Variants in ATG10 observed in about 807,000 individuals in gnomAD.
ATG10 encodes the protein ubiquitin-like-conjugating enzyme ATG10.
A neutral mutation model predicts 32.1 loss-of-function variants in ATG10; 30 were observed. That is an observed-to-expected ratio of 0.94 (90% CI 0.70 to 1.27). The LOEUF is 1.27. ATG10 is among the 50% of genes most tolerant of loss of function. The pLI, the probability that ATG10 is intolerant of heterozygous loss-of-function variation, is 0.00. For synonymous variants in ATG10, 87 were observed against 91.5 expected, an observed-to-expected ratio of 0.95 and a Z score of 0.28; for missense variants, 233 against 262.3, an observed-to-expected ratio of 0.89 and a Z score of 0.77.
At position 82,176,559 on chromosome 5, in the gene ATG10, C is replaced by T. The variant is rs564753388; in HGVS notation, c.356-1931C>T. ...AAGATCTTATTTGCCTCTTCCCACA[C>T]CAATACACACACACACGCATGCGCA... On this transcript the variant is annotated intron_variant, in intron 4 of 7. Transcript: ENST00000282185. 1.2e-3 allele frequency among the ~76,000 whole-genome samples: 175 copies of T among 152,120 alleles called. 2 individuals carry two copies. The highest frequency in any genetic ancestry group is 2.3e-3 in the Admixed American group (35 of 15,272).
At chr5:82,229,779 C>T (rs904434341) in intron 5 of ATG10, among the ~76,000 whole-genome samples, 14 of 152,156 alleles carry the variant, frequency 9.2e-5, no homozygotes, top group African/African-American at 3.4e-4. Context: ...GCCAACTATA[C>T]TAGCCACTTT....
rs367967030 is a variant in ATG10 at position 82,222,371 on chromosome 5, C to G, written c.454-30191C>G. Among the ~76,000 whole-genome samples, 10 of 152,266 alleles carry G rather than the reference C, an allele frequency of 6.6e-5. No individual in the cohort carries two copies. The South Asian group carries it at 2.1e-3, about 32-fold the overall frequency. On this transcript the variant is annotated intron_variant, in intron 5 of 7. Transcript: ENST00000282185. ...ATTTCCTCATCTGTGAAATGGTGATCCTAGTAGTACATCCCTCATGAAGTT... is the reference window on the plus strand; with the variant it reads ...ATTTCCTCATCTGTGAAATGGTGATGCTAGTAGTACATCCCTCATGAAGTT...
chr5:81,997,825 A>G (rs1330829882), intron 2 of ATG10, among the ~76,000 whole-genome samples: 1 of 152,242 alleles, frequency 6.6e-6, no homozygotes, highest in African/African-American at 2.4e-5. Context: ...TAACTCAATT[A>G]GATAAACAAA....
intron 1 of ATG10, among the ~76,000 whole-genome samples, chr5:81,978,582 T>C (rs1256720055): frequency 6.6e-6 from 1 of 152,206 alleles, no homozygotes; most frequent in African/African-American, 2.4e-5. Flanking sequence ...CAGAGTTTTA[T>C]TAAAAAATTA....
intron 3 of ATG10, among the ~76,000 whole-genome samples, chr5:82,092,154 T>A (rs1301944229): frequency 6.6e-6 from 1 of 152,186 alleles, no homozygotes; most frequent in Non-Finnish European, 1.5e-5. Flanking sequence ...ATTCTCAAAA[T>A]TTAGTATATG....
At chr5:82,061,738 G>A (rs1763780562) in intron 3 of ATG10, among the ~76,000 whole-genome samples, 1 of 143,014 alleles carries the variant, frequency 7.0e-6, no homozygotes. Context: ...AAGTATGGGT[G>A]TATGTGTATA....
At chr5:81,975,124 G>A (rs1760831661) in intron 1 of ATG10, among the ~76,000 whole-genome samples, 1 of 152,070 alleles carries the variant, frequency 6.6e-6, no homozygotes, top group Non-Finnish European at 1.5e-5. Context: ...ACCTCAAAAA[G>A]TTGCTCTGAG....
At chr5:82,223,516 A>G (rs533992685) in intron 5 of ATG10, among the ~76,000 whole-genome samples, 1 of 152,324 alleles carries the variant, frequency 6.6e-6, no homozygotes, top group South Asian at 2.1e-4. Context: ...TGGTGGCATC[A>G]TCTTTTGCAA....
intron 3 of ATG10, among the ~76,000 whole-genome samples, chr5:82,150,855 A>C (rs1315774498): frequency 6.6e-6 from 1 of 152,248 alleles, no homozygotes; most frequent in African/African-American, 2.4e-5. Flanking sequence ...TCTTCCTAAA[A>C]GCCAAAGAAT....
chr5:82,040,967 A>G (rs550154984), intron 2 of ATG10, among the ~76,000 whole-genome samples: 2 of 152,138 alleles, frequency 1.3e-5, no homozygotes, highest in African/African-American at 4.8e-5. Flanking sequence ...TGTTGCTTGC[A>G]TTTTTACTTT....
intron 3 of ATG10, among the ~76,000 whole-genome samples, chr5:82,139,153 G>T (rs1171762499): frequency 2.1e-5 from 3 of 144,268 alleles, no homozygotes. Context: ...GCTCAATGGT[G>T]CCCAGGCTGG....
intron 3 of ATG10, among the ~76,000 whole-genome samples, chr5:82,156,539 C>G (rs1335344006): frequency 6.6e-6 from 1 of 152,092 alleles, no homozygotes; most frequent in Non-Finnish European, 1.5e-5. Flanking sequence ...TGCTGGAGAC[C>G]TTGGGCCTTC....
chr5:81,981,452 C>G (rs977666792), intron 1 of ATG10, among the ~76,000 whole-genome samples: 7 of 151,956 alleles, frequency 4.6e-5, no homozygotes, highest in Non-Finnish European at 8.8e-5. Flanking sequence ...CAATTCAAGC[C>G]AAATTGCCAT....
intron 5 of ATG10, among the ~76,000 whole-genome samples, chr5:82,229,258 T>C (rs1469745269): frequency 1.3e-5 from 2 of 152,174 alleles, no homozygotes; most frequent in Non-Finnish European, 2.9e-5. Context: ...GCTGTTACAG[T>C]ACTGGAGGAG....
intron 4 of ATG10, among the ~76,000 whole-genome samples, chr5:82,174,909 A>G (rs1743951694): frequency 6.6e-6 from 1 of 152,184 alleles, no homozygotes; most frequent in African/African-American, 2.4e-5. Flanking sequence ...AGAAGCAGAT[A>G]TTTTAACAAT....
chr5:82,015,944 T>C (rs144613377), intron 2 of ATG10, among the ~76,000 whole-genome samples: 1,841 of 152,322 alleles, frequency 0.012, 14 homozygotes, highest in Non-Finnish European at 0.02. Flanking sequence ...TTTTTCCCCA[T>C]CTTCATGGTT....
Position 82,108,375 on chromosome 5 carries a change from T to C in ATG10, c.216+49773T>C, listed in dbSNP as rs1287371002. Among the ~76,000 whole-genome samples the C allele has an allele frequency of 2.0e-5, 3 of 151,902 alleles. No individual in the cohort carries two copies. In the East Asian group the frequency reaches 5.8e-4, roughly 29 times the overall value. Reference sequence around the variant, plus strand: ...ATCTACAGAGAACCCTAGACACCTATATATATGTGCATATATATACACACA... The same window carrying C: ...ATCTACAGAGAACCCTAGACACCTACATATATGTGCATATATATACACACA... On this transcript the variant is annotated intron_variant, in intron 3 of 7. Transcript: ENST00000282185.
intron 3 of ATG10, among the ~76,000 whole-genome samples, chr5:82,108,421 CTT>C (rs1244826833): frequency 6.6e-6 from 1 of 151,682 alleles, no homozygotes; most frequent in East Asian, 1.9e-4. Flanking sequence ...TAATACTGCT[CTT>C]ATATAATATT....
intron 3 of ATG10, among the ~76,000 whole-genome samples, chr5:82,110,671 T>C (rs1765589692): frequency 6.6e-6 from 1 of 152,132 alleles, no homozygotes; most frequent in South Asian, 2.1e-4. Flanking sequence ...TGTAAATTTG[T>C]TTGAGTTCAT....
Sources: gnomAD v4.1 joint callset for allele counts (sites outside exome capture counted in the v4.1 genomes callset) on GRCh38, gnomAD v4.1.1 for gene constraint, MANE v1.5 for transcripts, NCBI Gene and HGNC (gene_info 2026-07-23, HGNC 2026-07-21) for gene names.